SH2D4A: variants seen among roughly 807,000 people sequenced by gnomAD.
SH2D4A encodes SH2 domain-containing protein 4A.
Under a neutral mutation model 64.7 loss-of-function variants are expected in SH2D4A, and 70 were observed. The observed-to-expected ratio is 1.08, with a 90% CI of 0.89 to 1.32. The LOEUF (loss-of-function observed/expected upper bound fraction) is 1.32, where lower values mean the gene tolerates loss of function less well. SH2D4A is among the 40% of genes most tolerant of loss of function. SH2D4A has a pLI of 0.00. For synonymous variants in SH2D4A, 268 were observed against 200.7 expected, an observed-to-expected ratio of 1.34 and a Z score of -2.83; for missense variants, 706 against 540.1, an observed-to-expected ratio of 1.31 and a Z score of -3.04.
Position 19,319,638 on chromosome 8 carries a change from A to G in SH2D4A, c.91A>G (p.Met31Val), listed in dbSNP as rs2052152535. ...EEQKQILFFK[M>V]REEQIRRWKE... ...ACAGAAACAGATCCTGTTCTTCAAG[A>G]TGAGAGAGGAACAGATCCGACGATG... The change falls in exon 2 of 10, where the codon ATG becomes GTG. Residue 31 changes from methionine to valine, a missense_variant. Physicochemically the swap from Met to Val is conservative, Grantham distance 21. Coordinates refer to ENST00000265807, the MANE Select transcript of SH2D4A (RefSeq NM_022071.4). The G allele has an allele frequency of 2.5e-6, 4 of 1,611,730 alleles. No individual in the cohort carries two copies. The highest frequency in any genetic ancestry group is 3.4e-6 in the Non-Finnish European group (4 of 1,179,190).
chr8:19,335,397 A>C (rs1365873693), intron 4 of SH2D4A, among the ~76,000 whole-genome samples: 1 of 152,188 alleles, frequency 6.6e-6, no homozygotes, highest in African/African-American at 2.4e-5. Flanking sequence ...TGAAAGTAAC[A>C]AGAACGCTAG....
intron 6 of SH2D4A, among the ~76,000 whole-genome samples, chr8:19,363,063 GT>G (rs2052921007): frequency 6.6e-6 from 1 of 151,864 alleles, no homozygotes; most frequent in Non-Finnish European, 1.5e-5. Context: ...CCTTTGCTAT[GT>G]TGGGGGTATT....
chr8:19,359,455 C>T (rs2052844577), intron 5 of SH2D4A, among the ~76,000 whole-genome samples: 1 of 152,164 alleles, frequency 6.6e-6, no homozygotes, highest in Admixed American at 6.5e-5. Context: ...CTATATGTTT[C>T]CTAACCGTTT....
chr8:19,325,342 C>T (rs972955171), intron 2 of SH2D4A, among the ~76,000 whole-genome samples: 1 of 152,180 alleles, frequency 6.6e-6, no homozygotes, highest in Non-Finnish European at 1.5e-5. Flanking sequence ...TCACAAGGAT[C>T]CGGTCAGGTA....
intron 2 of SH2D4A, among the ~76,000 whole-genome samples, chr8:19,324,393 G>A (rs2052241225): frequency 6.6e-6 from 1 of 152,174 alleles, no homozygotes; most frequent in African/African-American, 2.4e-5. Flanking sequence ...TTTATGAAAA[G>A]CTTTCCCTCT....
intron 1 of SH2D4A, among the ~76,000 whole-genome samples, chr8:19,315,738 G>A (rs2052077245): frequency 6.6e-6 from 1 of 152,168 alleles, no homozygotes; most frequent in African/African-American, 2.4e-5. Context: ...ATATAGTATG[G>A]GAAAGTCCTC....
At chr8:19,325,285 G>C (rs184082829) in intron 2 of SH2D4A, among the ~76,000 whole-genome samples, 1 of 152,256 alleles carries the variant, frequency 6.6e-6, no homozygotes, top group Non-Finnish European at 1.5e-5. Context: ...TGTTCTGTTA[G>C]GATGTGCCAA....
At chr8:19,368,495 G>A (rs2053039809) in intron 7 of SH2D4A, among the ~76,000 whole-genome samples, 1 of 151,874 alleles carries the variant, frequency 6.6e-6, no homozygotes, top group African/African-American at 2.4e-5. Context: ...GACATGGGAT[G>A]TCTATTTTTT....
At chr8:19,354,767 C>T (rs755029737) in intron 4 of SH2D4A, among the ~76,000 whole-genome samples, 2 of 152,174 alleles carry the variant, frequency 1.3e-5, no homozygotes, top group East Asian at 1.9e-4. Context: ...CAGTAATTGG[C>T]GGGATATTGA....
At chr8:19,377,004 G>T (rs1357728781) in intron 8 of SH2D4A, among the ~76,000 whole-genome samples, 1 of 152,100 alleles carries the variant, frequency 6.6e-6, no homozygotes, top group African/African-American at 2.4e-5. Flanking sequence ...CAACACCAGT[G>T]ATATAACAAA....
intron 8 of SH2D4A, 96 bp downstream of exon 8, chr8:19,373,756 G>C (rs1365064434): frequency 2.1e-6 from 3 of 1,434,178 alleles, no homozygotes; most frequent in Middle Eastern, 1.9e-4. Flanking sequence ...CCATTTATTG[G>C]TGCTGCCCAA....
chr8:19,319,426 G>A lies in SH2D4A; in HGVS notation c.-122G>A. ...GCTGAATTATTGTCCCAGTCAGCCA[G>A]GATTGTGAGCTGTTTGGGAAGTTTC... On this transcript the variant is annotated 5_prime_UTR_variant, in exon 2 of 10. Coordinates refer to ENST00000265807, the MANE Select transcript of SH2D4A (RefSeq NM_022071.4). The A allele has an allele frequency of 1.5e-6, 2 of 1,321,004 alleles. No individual in the cohort carries two copies. 81.8% of individuals were successfully genotyped at this position (1,321,004 alleles called of 1,614,324 possible).
At chr8:19,355,185 T>C (rs2052772919) in intron 4 of SH2D4A, among the ~76,000 whole-genome samples, 1 of 152,182 alleles carries the variant, frequency 6.6e-6, no homozygotes, top group African/African-American at 2.4e-5. Flanking sequence ...ACCTGCCTCC[T>C]AATTTTCAAA....
chr8:19,354,840 C>T (rs17128263), intron 4 of SH2D4A, among the ~76,000 whole-genome samples: 18,904 of 152,166 alleles, frequency 0.12, 1,238 homozygotes, highest in Middle Eastern at 0.18. Context: ...CCATCAGATG[C>T]CTATTAGCTT....
Position 19,315,020 on chromosome 8 carries a change from TTTTA to T in SH2D4A, c.-205+1205_-205+1208del, listed in dbSNP as rs200795628. Among the ~76,000 whole-genome samples, 1,092 of 152,294 alleles carry T rather than the reference TTTTA, an allele frequency of 7.2e-3. 12 individuals carry two copies. The highest frequency in any genetic ancestry group is 0.025 in the African/African-American group (1,033 of 41,562). ...AGTTACACTGTCCATACCACAATACTTTTATTTATTTTTTATTTTATTAGGTCGG... is the reference window on the plus strand; with the variant it reads ...AGTTACACTGTCCATACCACAATACTTTTATTTTTTATTTTATTAGGTCGG... On this transcript the variant is annotated intron_variant, in intron 1 of 9. Coordinates refer to ENST00000265807, the MANE Select transcript of SH2D4A (RefSeq NM_022071.4).
chr8:19,377,492 C>T (rs2053215220), intron 8 of SH2D4A, among the ~76,000 whole-genome samples: 1 of 152,146 alleles, frequency 6.6e-6, no homozygotes, highest in South Asian at 2.1e-4. Context: ...GATTTCCATC[C>T]ATATTTTATA....
intron 1 of SH2D4A, among the ~76,000 whole-genome samples, chr8:19,318,168 T>A (rs2052122795): frequency 6.6e-6 from 1 of 152,186 alleles, no homozygotes; most frequent in Non-Finnish European, 1.5e-5. Flanking sequence ...CCTCCCAAAG[T>A]GCTGGGATTA....
At position 19,389,372 on chromosome 8, in the gene SH2D4A, C is replaced by T. The variant is rs146433470; in HGVS notation, c.1049-3946C>T. Among the ~76,000 whole-genome samples the T allele has an allele frequency of 6.1e-3, 922 of 152,308 alleles. 5 individuals carry two copies. The highest frequency in any genetic ancestry group is 0.021 in the African/African-American group (887 of 41,562). On this transcript the variant is annotated intron_variant, in intron 8 of 9. Coordinates refer to ENST00000265807, the MANE Select transcript of SH2D4A (RefSeq NM_022071.4). ...GTCCAGTTAGGGTAGCCCCTAAACA[C>T]ATGTGGCTTTTCCCATCAAAATGAA... is the stretch of plus-strand genomic sequence containing the variant.
intron 1 of SH2D4A, among the ~76,000 whole-genome samples, chr8:19,318,101 T>C (rs1256228582): frequency 6.6e-6 from 1 of 152,078 alleles, no homozygotes; most frequent in African/African-American, 2.4e-5. Context: ...GTAGAGATGT[T>C]GGTCATACTG....
Sources: allele counts gnomAD v4.1 joint callset (sites outside exome capture counted in the v4.1 genomes callset), GRCh38; gene constraint gnomAD v4.1.1; transcripts MANE v1.5; gene names NCBI Gene and HGNC (gene_info 2026-07-23, HGNC 2026-07-21).